CPNE4: variants seen among roughly 807,000 people sequenced by gnomAD.
CPNE4 encodes copine-4.
Under a neutral mutation model 67.9 loss-of-function variants are expected in CPNE4, and 25 were observed. The observed-to-expected ratio is 0.37, with a 90% CI of 0.27 to 0.51. The LOEUF (loss-of-function observed/expected upper bound fraction) is 0.51. CPNE4 is among the 20% of genes least tolerant of loss of function. The pLI is 0.93. For missense variants in CPNE4, 464 were observed against 690.8 expected (o/e 0.67, Z 3.68); for synonymous variants, 242 against 244.9 (o/e 0.99, Z 0.11).
At chr3:131,591,731 G>A (rs950115037) in intron 7 of CPNE4, among the ~76,000 whole-genome samples, 3 of 152,174 alleles carry the variant, frequency 2.0e-5, no homozygotes, top group Non-Finnish European at 4.4e-5. Context: ...AAGGAAGAAA[G>A]ACACAGTGAA....
intron 7 of CPNE4, among the ~76,000 whole-genome samples, chr3:131,633,991 A>G (rs2079309095): frequency 6.6e-6 from 1 of 152,162 alleles, no homozygotes; most frequent in Admixed American, 6.5e-5. Flanking sequence ...ATATATAATT[A>G]TTTCCATAGA....
upstream of CPNE4, among the ~76,000 whole-genome samples, chr3:132,038,863 T>A (rs1265759763): frequency 1.3e-5 from 2 of 152,176 alleles, no homozygotes; most frequent in Non-Finnish European, 2.9e-5. Flanking sequence ...AAAAACATAA[T>A]TTTGTGGAGG....
At chr3:131,913,444 C>G (rs1286621052) in intron 1 of CPNE4, among the ~76,000 whole-genome samples, 4 of 152,158 alleles carry the variant, frequency 2.6e-5, no homozygotes, top group South Asian at 4.1e-4. Flanking sequence ...GCTCGTGCTC[C>G]CCTCCCAAGT....
intron 2 of CPNE4, among the ~76,000 whole-genome samples, chr3:131,838,612 G>C (rs1056790719): frequency 3.2e-4 from 16 of 49,464 alleles, no homozygotes; most frequent in Non-Finnish European, 8.1e-4. Flanking sequence ...TTCCTTAAAG[G>C]CTTTTACCAA....
chr3:131,787,952 G>A (rs1513384), intron 2 of CPNE4, among the ~76,000 whole-genome samples: 29,654 of 151,976 alleles, frequency 0.2, 3,538 homozygotes, highest in Non-Finnish European at 0.26. Context: ...TCATTTTTGA[G>A]TAATTATTGA....
chr3:131,782,656 CA>C (rs1425736239), intron 2 of CPNE4, among the ~76,000 whole-genome samples: 1 of 152,000 alleles, frequency 6.6e-6, no homozygotes, highest in African/African-American at 2.4e-5. Context: ...AACAGAAGGG[CA>C]GAGATTTAGG....
chr3:131,770,094 TTTTG>T (rs1175546460), intron 2 of CPNE4, among the ~76,000 whole-genome samples: 1 of 152,164 alleles, frequency 6.6e-6, no homozygotes, highest in Non-Finnish European at 1.5e-5. Context: ...TCTGTGTGTC[TTTTG>T]TTTGTTTTCA....
At chr3:131,615,952 AAAG>A (rs1940133758) in intron 7 of CPNE4, among the ~76,000 whole-genome samples, 1 of 140,318 alleles carries the variant, frequency 7.1e-6, no homozygotes, top group East Asian at 2.0e-4. Context: ...CACACACACA[AAAG>A]AACATTTGCT....
intron 2 of CPNE4, among the ~76,000 whole-genome samples, chr3:131,738,051 T>G (rs12171295): frequency 6.6e-6 from 1 of 152,082 alleles, no homozygotes; most frequent in East Asian, 1.9e-4. Context: ...TCCATCCTAA[T>G]GCATAGAGTC....
chr3:131,752,637 A>T (rs1327032823), intron 2 of CPNE4, among the ~76,000 whole-genome samples: 3 of 152,104 alleles, frequency 2.0e-5, no homozygotes, highest in African/African-American at 7.2e-5. Flanking sequence ...ATTTAGTGAG[A>T]TGAATGGGGA....
At chr3:131,562,532 G>C (rs1327617208) in intron 11 of CPNE4, among the ~76,000 whole-genome samples, 1 of 151,986 alleles carries the variant, frequency 6.6e-6, no homozygotes, top group Non-Finnish European at 1.5e-5. Flanking sequence ...GAAAACTTGA[G>C]AATCCTGAAG....
intron 2 of CPNE4, among the ~76,000 whole-genome samples, chr3:131,826,999 C>T (rs1039382851): frequency 2.6e-5 from 4 of 152,048 alleles, no homozygotes; most frequent in Non-Finnish European, 5.9e-5. Flanking sequence ...GTGATTGCAT[C>T]ACTGCACTCC....
At chr3:131,774,923 C>T (rs1028347830) in intron 2 of CPNE4, among the ~76,000 whole-genome samples, 3 of 152,062 alleles carry the variant, frequency 2.0e-5, no homozygotes, top group African/African-American at 7.2e-5. Flanking sequence ...CTTGTGAGGG[C>T]CTCTCTTAAA....
At chr3:131,992,816 A>G (rs1191022045) in intron 1 of CPNE4, among the ~76,000 whole-genome samples, 2 of 135,850 alleles carry the variant, frequency 1.5e-5, no homozygotes, top group African/African-American at 4.9e-5. Flanking sequence ...TTCTAGTGAT[A>G]GTGAGTGAGT....
At position 131,577,873 on chromosome 3, in the gene CPNE4, T is replaced by C. The variant is rs578232907; in HGVS notation, c.868-2743A>G. Among the ~76,000 whole-genome samples the C allele has an allele frequency of 3.9e-5, 6 of 152,218 alleles. No individual in the cohort carries two copies. In the East Asian group the frequency reaches 9.7e-4, roughly 25 times the overall value. On this transcript the variant is annotated intron_variant, in intron 9 of 15. Transcript: ENST00000429747. Reference sequence around the variant, plus strand: ...GTACTGTCATATCGGTGGTCCATCATTGACAAAATGTTATTATGCAGAGCA... The same window carrying C: ...GTACTGTCATATCGGTGGTCCATCACTGACAAAATGTTATTATGCAGAGCA...
chr3:131,950,703 G>A (rs2071696785), intron 1 of CPNE4, among the ~76,000 whole-genome samples: 1 of 152,126 alleles, frequency 6.6e-6, no homozygotes, highest in African/African-American at 2.4e-5. Flanking sequence ...AGTATTCCTG[G>A]ATATTAAAAT....
chr3:131,913,542 T>C (rs1265576162), intron 1 of CPNE4, among the ~76,000 whole-genome samples: 2 of 152,174 alleles, frequency 1.3e-5, no homozygotes, highest in Admixed American at 6.5e-5. Flanking sequence ...AGTGTTAATA[T>C]ATAAAACCCC....
chr3:131,804,273 G>C (rs1405521564), intron 2 of CPNE4, among the ~76,000 whole-genome samples: 1 of 151,852 alleles, frequency 6.6e-6, no homozygotes, highest in Non-Finnish European at 1.5e-5. Flanking sequence ...AGCAGAACCC[G>C]TATGATTTCA....
At chr3:131,665,440 C>G (rs1047268080) in intron 7 of CPNE4, among the ~76,000 whole-genome samples, 1 of 152,126 alleles carries the variant, frequency 6.6e-6, no homozygotes, top group Non-Finnish European at 1.5e-5. Context: ...GGGCAGATCA[C>G]TTGAGGTCAG....
Sources: allele counts gnomAD v4.1 joint callset (sites outside exome capture counted in the v4.1 genomes callset), GRCh38; gene constraint gnomAD v4.1.1; transcripts MANE v1.5; gene names NCBI Gene and HGNC (gene_info 2026-07-23, HGNC 2026-07-21).